Variants in RIF1 observed in about 807,000 individuals in gnomAD.
RIF1 encodes replication timing regulatory factor 1.
In RIF1, 45 loss-of-function variants were observed where a neutral mutation model predicts 247.1. The observed-to-expected ratio is 0.18, with a 90% CI of 0.14 to 0.23. The LOEUF (loss-of-function observed/expected upper bound fraction) is 0.23, where lower values mean the gene tolerates loss of function less well. Ranked by LOEUF, RIF1 falls within the 10% of genes least tolerant of loss-of-function variation. The probability of loss-of-function intolerance (pLI) is 1.00; values close to 1 mark genes in which losing one functional copy is unlikely to be tolerated. For missense variants in RIF1, 2,967 were observed against 2,862.5 expected (o/e 1.04, Z -0.83); for synonymous variants, 1,087 against 978.8 (o/e 1.11, Z -2.06).
chr2:151,481,445 A>G lies in RIF1; in HGVS notation c.*6374A>G, dbSNP rs144505282. 6.6e-6 allele frequency: 1 copy of G among 152,232 alleles called. No individual in the cohort carries two copies. The highest frequency in any genetic ancestry group is 1.5e-5 in the Non-Finnish European group (1 of 68,032). The allele number at this position is 152,232 out of a possible 1,614,324, so 9.4% of individuals were successfully genotyped here. On this transcript the variant is annotated 3_prime_UTR_variant, in exon 36 of 36. Coordinates refer to ENST00000444746, the MANE Select transcript of RIF1 (RefSeq NM_018151.5). ...AAGGGACCTTGATGGTCTGTGAATT[A>G]TCAGTTGCTTTCTGCACTACCTCCT... is the stretch of plus-strand genomic sequence containing the variant.
At chr2:151,443,748 C>T (rs1574023799) in intron 18 of RIF1, 39 bp downstream of exon 18, 2 of 1,154,290 alleles carry the variant, frequency 1.7e-6, no homozygotes, top group Non-Finnish European at 1.1e-6. Context: ...GATAATAGAC[C>T]TTTTTTTTTT....
rs1470448738 is a variant in RIF1, at chr2:151,507,962, CT to C, written c.*1262del. The C allele has an allele frequency of 1.2e-5, 17 of 1,425,650 alleles. No individual in the cohort carries two copies. In the Admixed American group the frequency reaches 2.9e-4, roughly 24 times the overall value. 88.3% of individuals were successfully genotyped at this position (1,425,650 alleles called of 1,614,324 possible). On this transcript the variant is annotated 3_prime_UTR_variant and NMD_transcript_variant, in exon 14 of 14. Coordinates refer to the RIF1 transcript ENST00000454583. ...TCCAGAGGCATCTTCCTCAGCACCC[CT>C]AGGTGCCTGTGGGCTGTGCCTTACA...
intron 9 of RIF1, among the ~76,000 whole-genome samples, chr2:151,494,711 C>T (rs776972588): frequency 1.3e-5 from 2 of 152,144 alleles, no homozygotes; most frequent in Admixed American, 6.5e-5. Context: ...TGCAATGGCA[C>T]GATCCCTGCT....
At position 151,464,662 on chromosome 2, in the gene RIF1, A is replaced by G. The variant is rs1279104208; in HGVS notation, c.5142A>G (p.Gln1714=). The G allele has an allele frequency of 3.1e-6, 5 of 1,613,124 alleles. No individual in the cohort carries two copies. Among genetic ancestry groups the G allele is most frequent in the South Asian group, 1.1e-5 (1 of 90,942 alleles). ...DISSLSEKTF[Q]TLECQHKRSR... ...CTTCGCTTTCAGAAAAAACTTTTCA[A>G]ACACTTGAATGCCAACACAAGAGAA... is the stretch of plus-strand genomic sequence containing the variant. Residue 1714 remains glutamine, a synonymous_variant, in exon 30 of 36, where the codon CAA becomes CAG. Transcript: ENST00000444746.
the RIF1 span, among the ~76,000 whole-genome samples, chr2:151,515,095 TTGTC>T: frequency 1.3e-5 from 2 of 152,184 alleles, no homozygotes; most frequent in African/African-American, 2.4e-5. Context: ...TTGAAATACT[TTGTC>T]TGGAGCAAAT....
At position 151,465,089 on chromosome 2, in the gene RIF1, GA is replaced by G. The variant is rs1696704190; in HGVS notation, c.5573del (p.Asn1858IlefsTer9). The G allele has an allele frequency of 6.2e-7, 1 of 1,602,838 alleles. No individual in the cohort carries two copies. Among genetic ancestry groups the G allele is most frequent in the African/African-American group, 1.4e-5 (1 of 73,820 alleles). The part of the protein sequence containing the change: ...MSLESQESPN[E>X]NFKTVGPCLG... ...TCTTGAAAGCCAGGAGTCACCTAAT[GA>G]AAATTTTAAAACTGTTGGCCCGTGT... On this transcript the variant is annotated frameshift_variant, in exon 30 of 36. Coordinates refer to ENST00000444746, the MANE Select transcript of RIF1 (RefSeq NM_018151.5). LOFTEE classifies it high-confidence loss of function.
intron 3 of RIF1, among the ~76,000 whole-genome samples, chr2:151,412,531 G>A (rs908507706): frequency 1.8e-4 from 27 of 152,038 alleles, no homozygotes; most frequent in South Asian, 8.3e-4. Context: ...TGTGTCGCCC[G>A]TGCTGGAGTG....
chr2:151,527,097 C>G, the RIF1 span: 41 of 945,734 alleles, frequency 4.3e-5, no homozygotes, highest in Non-Finnish European at 6.4e-5. Context: ...ATTAAACACA[C>G]AGGGAGTCCT....
At chr2:151,434,962 AATT>A (rs1364168004) in intron 10 of RIF1, among the ~76,000 whole-genome samples, 5 of 152,268 alleles carry the variant, frequency 3.3e-5, no homozygotes, top group African/African-American at 9.6e-5. Flanking sequence ...TTAATTTTTT[AATT>A]ATTGAGTTTT....
intron 3 of RIF1, among the ~76,000 whole-genome samples, chr2:151,412,820 A>G (rs1686492544): frequency 6.6e-6 from 1 of 151,726 alleles, no homozygotes; most frequent in African/African-American, 2.4e-5. Flanking sequence ...AGACATGTAC[A>G]TTTTAACGTG....
At chr2:151,513,005 G>A (rs2075619485), downstream of RIF1, among the ~76,000 whole-genome samples, 2 of 152,192 alleles carry the variant, frequency 1.3e-5, no homozygotes. Context: ...ACCAAAGAGT[G>A]AGATTCAGTA....
chr2:151,432,424 A>G (rs1573956567), intron 9 of RIF1, among the ~76,000 whole-genome samples: 1 of 152,166 alleles, frequency 6.6e-6, no homozygotes, highest in Non-Finnish European at 1.5e-5. Context: ...TTTAATTTCT[A>G]TGCTGAATTT....
rs1370765289 is a variant in RIF1, at chr2:151,461,599, A to C, written c.3227+310A>C. On this transcript the variant is annotated intron_variant, in intron 27 of 35. Coordinates refer to ENST00000444746, the MANE Select transcript of RIF1 (RefSeq NM_018151.5). ...AGTAGAGACGGGGTTTCACCATGTTAGCCAGGATGGTCTTGATCTCCTGAC... is the reference window on the plus strand; with the variant it reads ...AGTAGAGACGGGGTTTCACCATGTTCGCCAGGATGGTCTTGATCTCCTGAC... Among the ~76,000 whole-genome samples the C allele has an allele frequency of 2.0e-5, 3 of 151,882 alleles. No homozygotes were observed. The East Asian group carries it at 5.8e-4, about 30-fold the overall frequency.
chr2:151,508,528 C>CAAAG (rs375244873), downstream of RIF1, among the ~76,000 whole-genome samples: 782 of 152,332 alleles, frequency 5.1e-3, 6 homozygotes, highest in African/African-American at 0.017. Context: ...GGTTAAGAGT[C>CAAAG]AAAGACATGA....
intron 35 of RIF1, among the ~76,000 whole-genome samples, chr2:151,474,642 C>A (rs1278290168): frequency 6.6e-6 from 1 of 152,152 alleles, no homozygotes; most frequent in African/African-American, 2.4e-5. Context: ...CGCCACTGCA[C>A]TCCAGCCTGG....
chr2:151,484,158 A>G (rs951488543), downstream of RIF1, among the ~76,000 whole-genome samples: 3 of 152,240 alleles, frequency 2.0e-5, no homozygotes, highest in Non-Finnish European at 2.9e-5. Flanking sequence ...GTGGAACTCA[A>G]GGATCTTGGA....
intron 19 of RIF1, among the ~76,000 whole-genome samples, chr2:151,446,163 C>T (rs527590713): frequency 5.2e-4 from 79 of 152,172 alleles, no homozygotes; most frequent in African/African-American, 1.8e-3. Context: ...TCCGCCACTT[C>T]GTCCGGCTGA....
chr2:151,510,381 G>A (rs2073197808), downstream of RIF1, among the ~76,000 whole-genome samples: 1 of 152,220 alleles, frequency 6.6e-6, no homozygotes, highest in Admixed American at 6.5e-5. Flanking sequence ...CCCAGCCTTT[G>A]TACAGGGACA....
At chr2:151,453,314 C>T (rs1047548884) in intron 21 of RIF1, among the ~76,000 whole-genome samples, 13 of 152,082 alleles carry the variant, frequency 8.5e-5, no homozygotes, top group African/African-American at 2.9e-4. Flanking sequence ...CAGTGGCTCA[C>T]GCCTGTAATA....
Sources: allele counts gnomAD v4.1 joint callset (sites outside exome capture counted in the v4.1 genomes callset), GRCh38; gene constraint gnomAD v4.1.1; transcripts MANE v1.5; gene names NCBI Gene and HGNC (gene_info 2026-07-23, HGNC 2026-07-21).